SPEF2: variants seen among roughly 807,000 people sequenced by gnomAD.
SPEF2 encodes sperm flagella and cilia-associated protein 2.
SPEF2 carries 187 observed loss-of-function variants against 224.6 expected under a neutral mutation model. The observed-to-expected ratio is 0.83, with a 90% CI of 0.74 to 0.94. SPEF2 has a LOEUF of 0.94. Among genes scored for constraint, SPEF2 ranks in the 40% least tolerant of loss-of-function variants. The probability of loss-of-function intolerance (pLI) is 0.00; values close to 1 mark genes in which losing one functional copy is unlikely to be tolerated. For synonymous variants in SPEF2, 715 were observed against 707.3 expected (o/e 1.01, Z -0.17); for missense variants, 2,170 against 2,135.6 (o/e 1.02, Z -0.32).
chr5:35,694,153 C>A, intron 12 of SPEF2, 135 bp from the exon 13 acceptor site: 1 of 675,764 alleles, frequency 1.5e-6, no homozygotes, highest in Non-Finnish European at 2.5e-6. Flanking sequence ...CTTTAATCTC[C>A]TTTAAAATCA....
At chr5:35,702,543 TG>T (rs1738864839) in intron 16 of SPEF2, among the ~76,000 whole-genome samples, 3 of 152,306 alleles carry the variant, frequency 2.0e-5, no homozygotes, top group Admixed American at 2.0e-4. Flanking sequence ...TTGTGGCTAA[TG>T]GTGACTGAAA....
intron 10 of SPEF2, among the ~76,000 whole-genome samples, chr5:35,673,545 G>C (rs1751476702): frequency 1.3e-5 from 2 of 152,140 alleles, no homozygotes; most frequent in Non-Finnish European, 2.9e-5. Flanking sequence ...CATTTTCAGA[G>C]CTCTACTGTG....
In SPEF2 at chr5:35,759,651, C is replaced by T. The variant is rs1750943996; in HGVS notation, c.3552C>T (p.Asp1184=). 3.7e-6 allele frequency: 6 copies of T among 1,611,490 alleles called. No individual in the cohort carries two copies. In the East Asian group the frequency reaches 1.1e-4, roughly 30 times the overall value. ...TGGAAAGTAAAATCCCAGTAGAGGA[C>T]AACAAGAGATTTACTCGAATCCCTT... ...WGMESKIPVE[D]NKRFTRIPLV... is the part of the protein sequence containing the mutation. The change falls in exon 25 of 37, where the codon GAC becomes GAT. Residue 1184 remains aspartate, a synonymous_variant. Coordinates refer to ENST00000356031, the MANE Select transcript of SPEF2 (RefSeq NM_024867.4).
intron 30 of SPEF2, among the ~76,000 whole-genome samples, chr5:35,784,643 A>G (rs1754846912): frequency 6.6e-6 from 1 of 152,200 alleles, no homozygotes; most frequent in Admixed American, 6.5e-5. Flanking sequence ...AGGGTATTCC[A>G]GGCAAAGGGA....
Position 35,773,422 on chromosome 5 carries a change from T to TCA in SPEF2, c.3950-469_3950-468dup, listed in dbSNP as rs552412295. 2.8e-3 allele frequency among the ~76,000 whole-genome samples: 420 copies of TCA among 152,238 alleles called. 3 individuals carry two copies. The highest frequency in any genetic ancestry group is 9.5e-3 in the African/African-American group (395 of 41,550). On this transcript the variant is annotated intron_variant, in intron 27 of 36. Coordinates refer to ENST00000356031, the MANE Select transcript of SPEF2 (RefSeq NM_024867.4). The stretch of plus-strand genomic sequence containing the variant: ...TAAAGAGATTACAGATTCTTGACAA[T>TCA]CACCCGCATTTCACCCACATCTTCT...
At chr5:35,664,763 GGAGAGAGAGAGAGA>G (rs138564199) in intron 8 of SPEF2, among the ~76,000 whole-genome samples, 1,886 of 142,088 alleles carry the variant, frequency 0.013, 41 homozygotes, top group African/African-American at 0.047. Flanking sequence ...GAAGGAAGGA[GGAGAGAGAGAGAGA>G]GAGAAAGAGG....
chr5:35,620,173 A>G (rs1743310319), intron 1 of SPEF2, among the ~76,000 whole-genome samples: 1 of 152,222 alleles, frequency 6.6e-6, no homozygotes, highest in Admixed American at 6.5e-5. Context: ...TGTGCACTCA[A>G]GGAAGCACAT....
chr5:35,756,858 T>C (rs1322058016), intron 24 of SPEF2, among the ~76,000 whole-genome samples: 2 of 152,148 alleles, frequency 1.3e-5, no homozygotes, highest in African/African-American at 2.4e-5. Flanking sequence ...AAATCCTTTT[T>C]CTATTTCTAT....
chr5:35,727,364 A>G (rs577340621), intron 20 of SPEF2, among the ~76,000 whole-genome samples: 1 of 152,362 alleles, frequency 6.6e-6, no homozygotes, highest in Non-Finnish European at 1.5e-5. Context: ...AGTGGAATAC[A>G]GTTTGTTCTA....
In SPEF2 at chr5:35,795,694, T is replaced by G. The variant is rs2149839889; in HGVS notation, c.4738-9T>G. 6.2e-7 allele frequency: 1 copy of G among 1,606,448 alleles called. No individual in the cohort carries two copies. Among genetic ancestry groups the G allele is most frequent in the East Asian group, 2.2e-5 (1 of 44,852 alleles). ...ACTTTAACAATTTTCATTTTTATTT[T>G]TTATGTAGGCTGGTCTGTGGTTTAC... is the stretch of plus-strand genomic sequence containing the variant. On this transcript the variant is annotated splice_polypyrimidine_tract_variant and intron_variant, in intron 32 of 36. Transcript: ENST00000356031.
intron 19 of SPEF2, 80 bp from the exon 20 acceptor site, chr5:35,712,732 G>A (rs10064115): frequency 2.2e-6 from 3 of 1,372,196 alleles, no homozygotes; most frequent in East Asian, 2.3e-5. Context: ...ATGGGAAATA[G>A]CATTAGCTTG....
intron 2 of SPEF2, among the ~76,000 whole-genome samples, chr5:35,640,669 T>A (rs948722055): frequency 6.6e-6 from 1 of 152,210 alleles, no homozygotes; most frequent in African/African-American, 2.4e-5. Flanking sequence ...TTCTCTTTTA[T>A]TAATTTAAAA....
intron 20 of SPEF2, among the ~76,000 whole-genome samples, chr5:35,723,298 G>A (rs991981053): frequency 1.4e-4 from 21 of 152,174 alleles, no homozygotes; most frequent in African/African-American, 5.1e-4. Flanking sequence ...GGCTCTTCAA[G>A]TATGGTTTTG....
At chr5:35,778,473 T>C (rs1753901869) in intron 29 of SPEF2, among the ~76,000 whole-genome samples, 1 of 152,214 alleles carries the variant, frequency 6.6e-6, no homozygotes, top group South Asian at 2.1e-4. Flanking sequence ...GCACTCTTTC[T>C]ACCGCATCAT....
At chr5:35,808,974 G>A (rs1008716663) in intron 36 of SPEF2, among the ~76,000 whole-genome samples, 3 of 151,604 alleles carry the variant, frequency 2.0e-5, no homozygotes, top group African/African-American at 7.3e-5. Context: ...AAGAACACAG[G>A]CTCTGGAATC....
At chr5:35,811,950 A>C (rs1758565937) in intron 36 of SPEF2, among the ~76,000 whole-genome samples, 2 of 151,524 alleles carry the variant, frequency 1.3e-5, no homozygotes, top group South Asian at 4.2e-4. Context: ...ACGCCCGACT[A>C]ATTTCTCCAT....
intron 30 of SPEF2, chr5:35,781,204 A>T (rs1323182248): frequency 6.6e-6 from 1 of 151,594 alleles, no homozygotes. Context: ...TTGCCCTAGG[A>T]GCTGAGAGTT....
rs371333429 is a variant in SPEF2, at chr5:35,806,474, A to T, written c.5011-233A>T. Among the ~76,000 whole-genome samples the T allele has an allele frequency of 3.3e-5, 5 of 152,358 alleles. No individual in the cohort carries two copies. The East Asian group carries it at 9.6e-4, about 29-fold the overall frequency. On this transcript the variant is annotated intron_variant, in intron 34 of 36. Transcript: ENST00000356031. Reference sequence around the variant, plus strand: ...CCAAGAATGTATGAAGTTGTGTAGGACACACCCCACACTATACAAGCTTCT... The same window carrying T: ...CCAAGAATGTATGAAGTTGTGTAGGTCACACCCCACACTATACAAGCTTCT...
chr5:35,773,794 T>C lies in SPEF2; in HGVS notation c.3950-99T>C, dbSNP rs910132477. The stretch of plus-strand genomic sequence containing the variant: ...TTGTTTCCGAATCACTAGAGGTTTA[T>C]AGCTTAACAAACTTTGCTTTGTGCT... On this transcript the variant is annotated intron_variant, in intron 27 of 36. Coordinates refer to ENST00000356031, the MANE Select transcript of SPEF2 (RefSeq NM_024867.4). 5.1e-6 allele frequency: 7 copies of C among 1,383,530 alleles called. No individual in the cohort carries two copies. In the Admixed American group the frequency reaches 1.8e-4, roughly 36 times the overall value. 85.7% of individuals were successfully genotyped at this position (1,383,530 alleles called of 1,614,324 possible).
Sources: allele counts gnomAD v4.1 joint callset (sites outside exome capture counted in the v4.1 genomes callset), GRCh38; gene constraint gnomAD v4.1.1; transcripts MANE v1.5; gene names NCBI Gene and HGNC (gene_info 2026-07-23, HGNC 2026-07-21).